The following GREB1L variants were observed in gnomAD, a reference collection of about 807,000 sequenced individuals.
GREB1L encodes the protein GREB1-like protein.
GREB1L carries 17 observed loss-of-function variants against 200.8 expected under a neutral mutation model. The ratio of observed to expected loss-of-function variants is 0.08; its 90% CI spans 0.06 to 0.13. The LOEUF (loss-of-function observed/expected upper bound fraction) is 0.13. GREB1L is among the 10% of genes least tolerant of loss of function. The probability of loss-of-function intolerance (pLI) is 1.00; values close to 1 mark genes in which losing one functional copy is unlikely to be tolerated. For synonymous variants in GREB1L, 789 were observed against 893.0 expected (o/e 0.88, Z 2.08); for missense variants, 1,657 against 2,367.7 (o/e 0.70, Z 6.23).
At chr18:21,297,084 G>A (rs146435133) in intron 1 of GREB1L, among the ~76,000 whole-genome samples, 20 of 152,206 alleles carry the variant, frequency 1.3e-4, no homozygotes, top group Middle Eastern at 3.4e-3. Flanking sequence ...CAGCAGAGCC[G>A]CCCCACCTGG....
chr18:21,366,269 T>C (rs1186219145), intron 2 of GREB1L, 133 bp downstream of exon 2: 1 of 152,286 alleles, frequency 6.6e-6, no homozygotes, highest in Admixed American at 6.5e-5. Flanking sequence ...TGAGCTCCTC[T>C]CCTTCCCTGC....
chr18:21,361,679 T>C (rs552627204), intron 1 of GREB1L, among the ~76,000 whole-genome samples: 1 of 152,136 alleles, frequency 6.6e-6, no homozygotes, highest in East Asian at 1.9e-4. Flanking sequence ...TTTTTTTTCC[T>C]GTGTGGATTT....
chr18:21,441,691 T>C (rs1358287898), intron 10 of GREB1L, among the ~76,000 whole-genome samples, 154 bp downstream of exon 10: 1 of 151,904 alleles, frequency 6.6e-6, no homozygotes, highest in Non-Finnish European at 1.5e-5. Context: ...ATATTAAACA[T>C]GTGATTAGGA....
At chr18:21,404,669 A>G (rs2029964624) in intron 7 of GREB1L, among the ~76,000 whole-genome samples, 1 of 152,228 alleles carries the variant, frequency 6.6e-6, no homozygotes, top group Non-Finnish European at 1.5e-5. Flanking sequence ...GTGGAACTTC[A>G]TGGTTCCAAG....
At chr18:21,503,367 C>T (rs1417725009) in intron 23 of GREB1L, among the ~76,000 whole-genome samples, 1 of 151,428 alleles carries the variant, frequency 6.6e-6, no homozygotes, top group Admixed American at 6.6e-5. Flanking sequence ...CCATCATGCC[C>T]AGCTAATTTT....
Position 21,525,453 on chromosome 18 carries a change from G to A in GREB1L, c.*2632G>A, listed in dbSNP as rs1021412415. The stretch of plus-strand genomic sequence containing the variant: ...TTTTTTCTTTATAGTTTTCTGGCAT[G>A]TTTGTTAAGAAAACAAGCTCCCTGA... On this transcript the variant is annotated 3_prime_UTR_variant, in exon 33 of 33. Coordinates refer to ENST00000424526, the MANE Select transcript of GREB1L (RefSeq NM_001142966.3). 1.3e-5 allele frequency: 2 copies of A among 151,618 alleles called. No individual in the cohort carries two copies. The highest frequency in any genetic ancestry group is 4.8e-5 in the African/African-American group (2 of 41,274). The allele number at this position is 151,618 out of a possible 1,614,324, so 9.4% of individuals were successfully genotyped here.
intron 1 of GREB1L, among the ~76,000 whole-genome samples, chr18:21,358,783 A>G (rs2039542815): frequency 6.6e-6 from 1 of 152,230 alleles, no homozygotes; most frequent in South Asian, 2.1e-4. Context: ...AGAAATCACC[A>G]CTAAAGAACT....
In GREB1L at chr18:21,495,795, C is replaced by G. The variant is rs2036521780; in HGVS notation, c.3146+10C>G. On this transcript the variant is annotated intron_variant, in intron 20 of 32. Coordinates refer to ENST00000424526, the MANE Select transcript of GREB1L (RefSeq NM_001142966.3). ...GAGAAACCTTTCCCAGGTACAGTTTCAATAATTAATTCCATTTTTCATCAG... is the reference window on the plus strand; with the variant it reads ...GAGAAACCTTTCCCAGGTACAGTTTGAATAATTAATTCCATTTTTCATCAG... The G allele has an allele frequency of 7.9e-6, 11 of 1,389,928 alleles. No homozygotes were observed. The highest frequency in any genetic ancestry group is 1.1e-5 in the Non-Finnish European group (11 of 1,011,686). 86.1% of individuals were successfully genotyped at this position (1,389,928 alleles called of 1,614,324 possible). A position where few individuals can be genotyped will look rare whatever the true frequency, so the allele number is the denominator to read the frequency against.
intron 1 of GREB1L, among the ~76,000 whole-genome samples, chr18:21,359,881 T>G (rs886827657): frequency 3.3e-5 from 5 of 152,210 alleles, no homozygotes; most frequent in Admixed American, 3.3e-4. Flanking sequence ...AGTTTAGATA[T>G]TTGTGTCATC....
At chr18:21,244,618 A>G (rs1294761830) in intron 1 of GREB1L, among the ~76,000 whole-genome samples, 2 of 152,214 alleles carry the variant, frequency 1.3e-5, no homozygotes, top group Non-Finnish European at 2.9e-5. Context: ...TGGACTGTGG[A>G]TGTTAGACAG....
At chr18:21,487,108 T>A (rs2036157429) in intron 18 of GREB1L, among the ~76,000 whole-genome samples, 1 of 152,208 alleles carries the variant, frequency 6.6e-6, no homozygotes, top group Admixed American at 6.5e-5. Flanking sequence ...TAGTCTTAAT[T>A]TTCCAAAATC....
intron 1 of GREB1L, among the ~76,000 whole-genome samples, chr18:21,258,804 C>T (rs1290486716): frequency 1.3e-5 from 2 of 152,104 alleles, no homozygotes. Context: ...TACTTACTTA[C>T]AAATGTACCT....
chr18:21,401,274 A>G lies in GREB1L; in HGVS notation c.657A>G (p.Leu219=). ...AGCAGAAGCACTTAAAGTACTACCT[A>G]GTCAGAAGCTCCCAGGGTGTACTGT... ...PKKQKHLKYY[L]VRSSQGVLSK... is the part of the protein sequence containing the mutation. Residue 219 remains leucine, a synonymous_variant, in exon 6 of 33, where the codon CTA becomes CTG. Coordinates refer to ENST00000424526, the MANE Select transcript of GREB1L (RefSeq NM_001142966.3). 6.4e-7 allele frequency: 1 copy of G among 1,551,726 alleles called. No homozygotes were observed. Among genetic ancestry groups the G allele is most frequent in the Non-Finnish European group, 8.7e-7 (1 of 1,146,904 alleles).
intron 1 of GREB1L, among the ~76,000 whole-genome samples, chr18:21,343,876 C>T (rs1485808075): frequency 6.6e-6 from 1 of 151,828 alleles, no homozygotes; most frequent in Non-Finnish European, 1.5e-5. Flanking sequence ...GCTGAGACTA[C>T]AGGCATGTCC....
intron 23 of GREB1L, among the ~76,000 whole-genome samples, chr18:21,502,345 G>A (rs1307226599): frequency 4.6e-5 from 7 of 152,132 alleles, no homozygotes; most frequent in African/African-American, 7.2e-5. Context: ...GAACTGTGGG[G>A]AGGAAGTAGA....
chr18:21,441,468 G>T lies in GREB1L; in HGVS notation c.1138G>T (p.Ala380Ser), dbSNP rs1338484966. ...TGILQPRPIP[A>S]GETVIVPENL... The stretch of plus-strand genomic sequence containing the variant: ...AATTTTACAACCCAGGCCCATTCCT[G>T]CAGGGGAAACTGTAATTGTTCCTGA... The change falls in exon 10 of 33, where the codon GCA becomes TCA. Residue 380 changes from alanine to serine, a missense_variant. Ala to Ser is a moderately conservative substitution (Grantham distance 99). Transcript: ENST00000424526. 2 of 1,551,316 alleles carry T rather than the reference G, an allele frequency of 1.3e-6. No individual in the cohort carries two copies. Among genetic ancestry groups the T allele is most frequent in the Non-Finnish European group, 8.7e-7 (1 of 1,146,768 alleles).
chr18:21,383,578 C>T lies in GREB1L; in HGVS notation c.60C>T (p.Asn20=). 6.5e-7 allele frequency: 1 copy of T among 1,550,090 alleles called. No individual in the cohort carries two copies. Among genetic ancestry groups the T allele is most frequent in the East Asian group, 2.5e-5 (1 of 40,776 alleles). ...CTCGATTTGAGGAAGCTCTCCACAA[C>T]TCCATAGAAGCCTCCCTCAGATGTA... is the stretch of plus-strand genomic sequence containing the variant. ...KSARFEEALH[N]SIEASLRCSS... The change falls in exon 3 of 33, where the codon AAC becomes AAT. Residue 20 remains asparagine (N), a synonymous_variant. Coordinates refer to ENST00000424526, the MANE Select transcript of GREB1L (RefSeq NM_001142966.3).
intron 16 of GREB1L, among the ~76,000 whole-genome samples, chr18:21,473,643 G>A (rs1315935996): frequency 1.3e-5 from 2 of 150,962 alleles, no homozygotes; most frequent in Non-Finnish European, 2.9e-5. Flanking sequence ...CCTAATCTTT[G>A]CCATCTTCTT....
intron 1 of GREB1L, among the ~76,000 whole-genome samples, chr18:21,255,104 A>G (rs2037780967): frequency 1.3e-5 from 2 of 152,208 alleles, no homozygotes; most frequent in African/African-American, 4.8e-5. Flanking sequence ...AGTGTGTGCT[A>G]TAAAATTGAA....
Sources: gnomAD v4.1 joint callset for allele counts (sites outside exome capture counted in the v4.1 genomes callset) on GRCh38, gnomAD v4.1.1 for gene constraint, MANE v1.5 for transcripts, NCBI Gene and HGNC (gene_info 2026-07-23, HGNC 2026-07-21) for gene names.